KCNK12: variants seen among roughly 807,000 people sequenced by gnomAD.
KCNK12 encodes the protein potassium channel subfamily K member 12.
KCNK12 carries 6 observed loss-of-function variants against 25.3 expected under a neutral mutation model. The ratio of observed to expected loss-of-function variants is 0.24; its 90% CI spans 0.13 to 0.47. The LOEUF (loss-of-function observed/expected upper bound fraction) is 0.47. Among genes scored for constraint, KCNK12 ranks in the 20% least tolerant of loss-of-function variants. The pLI is 0.99. For missense variants in KCNK12, 444 were observed against 661.7 expected (o/e 0.67, Z 3.61); for synonymous variants, 331 against 311.1 (o/e 1.06, Z -0.67).
rs1266691612 is a variant in KCNK12, at chr2:47,525,186, C to A, written c.392-3378G>T. 2.0e-5 allele frequency among the ~76,000 whole-genome samples: 3 copies of A among 152,188 alleles called. No individual in the cohort carries two copies. Among genetic ancestry groups the A allele is most frequent in the Non-Finnish European group, 2.9e-5 (2 of 68,036 alleles). ...GCAAAACAGGTCTGGGGCTAGCAAC[C>A]CCCCACACCCCCACCTCCAGGCTGT... On this transcript the variant is annotated intron_variant, in intron 1 of 1. Coordinates refer to ENST00000327876, the MANE Select transcript of KCNK12 (RefSeq NM_022055.2). This position sits in a 1 kb window ranked among gnomAD's most constrained non-coding sequence, Gnocchi z 4.1.
Position 47,538,513 on chromosome 2 carries a change from G to A in KCNK12, c.392-16705C>T, listed in dbSNP as rs1478136373. ...GGACTGGGCATGGTGGCTCATGTCT[G>A]TAATCCCAGCACTTTGGGAGGCTGA... On this transcript the variant is annotated intron_variant, in intron 1 of 1. Transcript: ENST00000327876. This position sits in a 1 kb window ranked among gnomAD's most constrained non-coding sequence, Gnocchi z 4.5. Among the ~76,000 whole-genome samples, 1 of 152,218 alleles carries A rather than the reference G, an allele frequency of 6.6e-6. No individual in the cohort carries two copies. The highest frequency in any genetic ancestry group is 2.4e-5 in the African/African-American group (1 of 41,452).
At chr2:47,568,548 C>T (rs1159324983) in intron 1 of KCNK12, among the ~76,000 whole-genome samples, 1 of 152,184 alleles carries the variant, frequency 6.6e-6, no homozygotes, top group Non-Finnish European at 1.5e-5. Context: ...CTTTCATAGA[C>T]TATACATATA....
chr2:47,526,662 G>A (rs1256800364), intron 1 of KCNK12, among the ~76,000 whole-genome samples: 1 of 152,116 alleles, frequency 6.6e-6, no homozygotes, highest in Non-Finnish European at 1.5e-5. Flanking sequence ...GAATCCGGGA[G>A]GCAGAGGTTG....
chr2:47,533,531 G>A lies in KCNK12; in HGVS notation c.392-11723C>T, dbSNP rs1472797088. Among the ~76,000 whole-genome samples the A allele has an allele frequency of 6.6e-6, 1 of 152,194 alleles. No individual in the cohort carries two copies. The highest frequency in any genetic ancestry group is 1.5e-5 in the Non-Finnish European group (1 of 68,026). On this transcript the variant is annotated intron_variant, in intron 1 of 1. Coordinates refer to ENST00000327876, the MANE Select transcript of KCNK12 (RefSeq NM_022055.2). This position sits in a 1 kb window ranked among gnomAD's most constrained non-coding sequence, Gnocchi z 4.7. ...ATGACATATGGATTTCCATGGCAGG[G>A]AAATGCCCCCGTAGGCACAGTCAAG...
rs80093485 is a variant in KCNK12, at chr2:47,551,289, TCA to T, written c.391+18650_391+18651del. Among the ~76,000 whole-genome samples the T allele has an allele frequency of 0.062, 9,428 of 152,154 alleles. 469 individuals carry two copies. The highest frequency in any genetic ancestry group is 0.26 in the East Asian group (1,354 of 5,174). ...CTCTTCCTCCAGGCAGCCACATGGC[TCA>T]CTCCCTTACCTCATTCCAAGCCTCC... On this transcript the variant is annotated intron_variant, in intron 1 of 1. Transcript: ENST00000327876. The surrounding 1 kb of genome is among the most constrained non-coding windows in gnomAD (Gnocchi z 5.3).
At chr2:47,524,459 A>C (rs1310799928) in intron 1 of KCNK12, among the ~76,000 whole-genome samples, 2 of 152,266 alleles carry the variant, frequency 1.3e-5, no homozygotes, top group African/African-American at 4.8e-5. Flanking sequence ...GACACAAAAT[A>C]ATACATTCTG....
chr2:47,562,442 C>G lies in KCNK12; in HGVS notation c.391+7499G>C, dbSNP rs556235502. 2.5e-4 allele frequency: 69 copies of G among 272,812 alleles called. 2 individuals carry two copies. In the South Asian group the frequency reaches 0.01, roughly 40 times the overall value. 16.9% of individuals were successfully genotyped at this position (272,812 alleles called of 1,614,324 possible). A position where few individuals can be genotyped will look rare whatever the true frequency, so the allele number is the denominator to read the frequency against. On this transcript the variant is annotated intron_variant, in intron 1 of 1. Coordinates refer to ENST00000327876, the MANE Select transcript of KCNK12 (RefSeq NM_022055.2). The surrounding 1 kb of genome is among the most constrained non-coding windows in gnomAD (Gnocchi z 4.8). ...CTAAGGGCCCAGGCACACCAGTTAC[C>G]ACTGACCTGCTAGTAAGCCAGGAAC...
chr2:47,524,970 A>T (rs565365440), intron 1 of KCNK12, among the ~76,000 whole-genome samples: 1 of 152,210 alleles, frequency 6.6e-6, no homozygotes, highest in African/African-American at 2.4e-5. Flanking sequence ...AGTCTCTTAT[A>T]GAAGGATAAC....
chr2:47,539,136 C>G (rs1669139203), intron 1 of KCNK12, among the ~76,000 whole-genome samples: 1 of 152,204 alleles, frequency 6.6e-6, no homozygotes, highest in Non-Finnish European at 1.5e-5. Context: ...ACAATATCAT[C>G]ATTGCTCCCA....
At chr2:47,545,600 G>A (rs944309565) in intron 1 of KCNK12, among the ~76,000 whole-genome samples, 32 of 152,198 alleles carry the variant, frequency 2.1e-4, no homozygotes, top group Admixed American at 2.1e-3. Flanking sequence ...GGACACCTGG[G>A]CTAGAATCTC....
At position 47,556,978 on chromosome 2, in the gene KCNK12, A is replaced by G. The variant is rs1364473587; in HGVS notation, c.391+12963T>C. Among the ~76,000 whole-genome samples the G allele has an allele frequency of 6.6e-6, 1 of 152,202 alleles. No individual in the cohort carries two copies. Among genetic ancestry groups the G allele is most frequent in the South Asian group, 2.1e-4 (1 of 4,832 alleles). On this transcript the variant is annotated intron_variant, in intron 1 of 1. Transcript: ENST00000327876. This position sits in a 1 kb window ranked among gnomAD's most constrained non-coding sequence, Gnocchi z 4.8. The stretch of plus-strand genomic sequence containing the variant: ...GGGTGGGATGGAAAGAAATATGGTT[A>G]TAGATGAGATGGTTAAGGAGCCCAG...
chr2:47,531,243 C>T (rs149914151), intron 1 of KCNK12, among the ~76,000 whole-genome samples: 4 of 152,192 alleles, frequency 2.6e-5, no homozygotes, highest in Non-Finnish European at 2.9e-5. Context: ...GAGGCTGAGG[C>T]GGTTGGATCG....
chr2:47,565,859 G>A lies in KCNK12; in HGVS notation c.391+4082C>T, dbSNP rs1270312461. ...ATCTTTAGGAGTTCATACAATCACA[G>A]GAAGTGCAGACAACATGCCAAAGGC... is the stretch of plus-strand genomic sequence containing the variant. On this transcript the variant is annotated intron_variant, in intron 1 of 1. Transcript: ENST00000327876. This position sits in a 1 kb window ranked among gnomAD's most constrained non-coding sequence, Gnocchi z 5.0. 1.3e-5 allele frequency: 2 copies of A among 152,236 alleles called. No individual in the cohort carries two copies. Among genetic ancestry groups the A allele is most frequent in the Non-Finnish European group, 2.9e-5 (2 of 68,042 alleles). 9.4% of individuals were successfully genotyped at this position (152,236 alleles called of 1,614,324 possible).
In KCNK12 at chr2:47,515,127, A is replaced by G. The variant is rs937237350; in HGVS notation, c.*5780T>C. ...CCTGTGCCCATCACATAGCTGGGGC[A>G]CAGCTGGAGACCCCAACAGAGAGGA... On this transcript the variant is annotated 3_prime_UTR_variant, in exon 2 of 2. Transcript: ENST00000327876. 3.3e-5 allele frequency among the ~76,000 whole-genome samples: 5 copies of G among 152,160 alleles called. No homozygotes were observed. The highest frequency in any genetic ancestry group is 4.1e-4 in the South Asian group (2 of 4,820).
intron 1 of KCNK12, among the ~76,000 whole-genome samples, chr2:47,537,992 G>A (rs1669112205): frequency 6.6e-6 from 1 of 152,350 alleles, no homozygotes; most frequent in South Asian, 2.1e-4. Flanking sequence ...CAGGTGTCAT[G>A]TGGATAAGAC....
At position 47,518,105 on chromosome 2, in the gene KCNK12, A is replaced by G. The variant is rs910358940; in HGVS notation, c.*2802T>C. The G allele has an allele frequency of 2.0e-5, 3 of 152,178 alleles. No homozygotes were observed. The highest frequency in any genetic ancestry group is 1.3e-4 in the Admixed American group (2 of 15,282). The allele number at this position is 152,178 out of a possible 1,614,324, so 9.4% of individuals were successfully genotyped here. On this transcript the variant is annotated 3_prime_UTR_variant, in exon 2 of 2. Coordinates refer to ENST00000327876, the MANE Select transcript of KCNK12 (RefSeq NM_022055.2). The surrounding 1 kb of genome is among the most constrained non-coding windows in gnomAD (Gnocchi z 4.1). ...AAAGAAAGGCATCCCTATCAATGTC[A>G]CTGTTCCTGAAATGATGGGAGAACC...
chr2:47,521,767 A>C lies in KCNK12; in HGVS notation c.433T>G (p.Phe145Val). 6.5e-7 allele frequency: 1 copy of C among 1,539,210 alleles called. No homozygotes were observed. The highest frequency in any genetic ancestry group is 8.7e-7 in the Non-Finnish European group (1 of 1,150,018). Residue 145 changes from phenylalanine (F) to valine (V), a missense_variant, in exon 2 of 2, where the codon TTC (phenylalanine) becomes GTC (valine). Coordinates refer to ENST00000327876, the MANE Select transcript of KCNK12 (RefSeq NM_022055.2). ...TTPATVGGKAFLIAYGLFGCA... is the reference protein window; with the variant it reads ...TTPATVGGKAVLIAYGLFGCA... ...CCGAACAGCCCGTAGGCGATGAGGAAGGCCTTCCCGCCCACCGTCGCGGGG... is the reference window on the plus strand; with the variant it reads ...CCGAACAGCCCGTAGGCGATGAGGACGGCCTTCCCGCCCACCGTCGCGGGG...
chr2:47,527,026 G>T (rs980998234), intron 1 of KCNK12, among the ~76,000 whole-genome samples: 2 of 152,138 alleles, frequency 1.3e-5, no homozygotes, highest in African/African-American at 4.8e-5. Context: ...CAGGTTAAAG[G>T]GTGAAAAGCA....
rs753619760 is a variant in KCNK12 at position 47,569,920 on chromosome 2, C to G, written c.391+21G>C. On this transcript the variant is annotated intron_variant, in intron 1 of 1. Coordinates refer to ENST00000327876, the MANE Select transcript of KCNK12 (RefSeq NM_022055.2). The surrounding 1 kb of genome is among the most constrained non-coding windows in gnomAD (Gnocchi z 4.1). Reference sequence around the variant, plus strand: ...GTGAAAGGCACAGAGAGGAAAGATGCGCGGGGGACGCGCCGCTCACCTATG... The same window carrying G: ...GTGAAAGGCACAGAGAGGAAAGATGGGCGGGGGACGCGCCGCTCACCTATG... The G allele has an allele frequency of 1.6e-5, 21 of 1,336,216 alleles. No individual in the cohort carries two copies. The highest frequency in any genetic ancestry group is 2.0e-5 in the Non-Finnish European group (21 of 1,036,658). The allele number at this position is 1,336,216 out of a possible 1,614,324, so 82.8% of individuals were successfully genotyped here.
Sources: gnomAD v4.1 joint callset for allele counts (sites outside exome capture counted in the v4.1 genomes callset) on GRCh38, gnomAD v4.1.1 for gene constraint, Gnocchi (gnomAD v3.1) non-coding constraint, MANE v1.5 for transcripts, NCBI Gene and HGNC (gene_info 2026-07-23, HGNC 2026-07-21) for gene names.